The following INPP4B variants were observed in gnomAD, a reference collection of about 807,000 sequenced individuals.
The protein encoded by INPP4B is inositol polyphosphate 4-phosphatase type II.
In INPP4B, 55 loss-of-function variants were observed where a neutral mutation model predicts 122.5. The ratio of observed to expected loss-of-function variants is 0.45; its 90% CI spans 0.36 to 0.56. INPP4B has a LOEUF of 0.56. Among genes scored for constraint, INPP4B ranks in the 20% least tolerant of loss-of-function variants. The pLI, the probability that INPP4B is intolerant of heterozygous loss-of-function variation, is 0.00. For synonymous variants in INPP4B, 403 were observed against 388.7 expected (o/e 1.04, Z -0.43); for missense variants, 1,000 against 1,097.7 (o/e 0.91, Z 1.26).
intron 11 of INPP4B, among the ~76,000 whole-genome samples, chr4:142,246,096 G>A (rs1449034568): frequency 3.5e-5 from 5 of 144,030 alleles, no homozygotes; most frequent in Admixed American, 6.7e-5. Flanking sequence ...ATATGTGTGT[G>A]TGTATACACA....
chr4:142,238,494 A>G (rs1288143988), intron 11 of INPP4B, among the ~76,000 whole-genome samples: 1 of 152,124 alleles, frequency 6.6e-6, no homozygotes, highest in Non-Finnish European at 1.5e-5. Context: ...ATAGCAGGTC[A>G]CAAACTGATA....
intron 21 of INPP4B, among the ~76,000 whole-genome samples, chr4:142,113,320 A>G (rs1477801409): frequency 1.3e-5 from 2 of 149,640 alleles, no homozygotes; most frequent in African/African-American, 2.5e-5. Flanking sequence ...TAATAAGAGT[A>G]GCTACTTACA....
chr4:142,349,175 G>A (rs1158692), intron 7 of INPP4B, among the ~76,000 whole-genome samples: 48,234 of 151,874 alleles, frequency 0.32, 8,703 homozygotes, highest in South Asian at 0.45. Context: ...TCAGCAATCT[G>A]TCTTAACTTA....
At chr4:142,203,425 T>G (rs1210940760) in intron 14 of INPP4B, among the ~76,000 whole-genome samples, 1 of 152,036 alleles carries the variant, frequency 6.6e-6, no homozygotes, top group Non-Finnish European at 1.5e-5. Context: ...GAATATTACA[T>G]TACAAGAATT....
intron 7 of INPP4B, among the ~76,000 whole-genome samples, chr4:142,321,317 G>C (rs1370053560): frequency 6.6e-6 from 1 of 151,968 alleles, no homozygotes; most frequent in Non-Finnish European, 1.5e-5. Context: ...GGAATTATTT[G>C]CTTTTTTCTT....
At chr4:142,290,195 C>CTTTTTTTT (rs35260066) in intron 9 of INPP4B, among the ~76,000 whole-genome samples, 23 of 77,504 alleles carry the variant, frequency 3.0e-4, no homozygotes, top group Admixed American at 4.4e-4. Context: ...TTCTTTCTTC[C>CTTTTTTTT]TTTTTTTTTT....
intron 25 of INPP4B, among the ~76,000 whole-genome samples, chr4:142,040,694 T>G (rs1746894222): frequency 6.6e-6 from 1 of 152,192 alleles, no homozygotes; most frequent in African/African-American, 2.4e-5. Context: ...TATGCTTTTC[T>G]CTGTACAGAA....
Position 142,636,136 on chromosome 4 carries a change from C to G in INPP4B, c.-191+89703G>C, listed in dbSNP as rs112152276. Among the ~76,000 whole-genome samples the G allele has an allele frequency of 5.1e-3, 775 of 152,152 alleles. 3 individuals are homozygous for G. The highest frequency in any genetic ancestry group is 7.5e-3 in the Admixed American group (115 of 15,284). On this transcript the variant is annotated intron_variant, in intron 2 of 25. Coordinates refer to ENST00000262992, the MANE Select transcript of INPP4B (RefSeq NM_001101669.3). ...GGGGCTTCTCCTTTCACTCAGCACC[C>G]ATTCTGCCTCCTGCTGCCCTGTGAA...
intron 2 of INPP4B, among the ~76,000 whole-genome samples, chr4:142,714,121 T>C (rs1763460996): frequency 6.6e-6 from 1 of 152,220 alleles, no homozygotes; most frequent in Non-Finnish European, 1.5e-5. Context: ...ATCATAAAAT[T>C]ACAGGAGGGA....
At chr4:142,188,002 A>C (rs942453551) in intron 15 of INPP4B, among the ~76,000 whole-genome samples, 4 of 152,150 alleles carry the variant, frequency 2.6e-5, no homozygotes, top group African/African-American at 9.7e-5. Context: ...GGAAAAAAAG[A>C]CTGGAAGAGA....
At position 142,811,668 on chromosome 4, in the gene INPP4B, CTTAG is replaced by C. The variant is rs1166203048; in HGVS notation, c.-254+34537_-254+34540del. Among the ~76,000 whole-genome samples, 16 of 152,096 alleles carry C rather than the reference CTTAG, an allele frequency of 1.1e-4. 1 individual carries two copies. The highest frequency in any genetic ancestry group is 1.9e-4 in the East Asian group (1 of 5,202). The stretch of plus-strand genomic sequence containing the variant: ...TTGGTAAGCAGTCTTAGATATGTCA[CTTAG>C]TTAGATTAGAAAATAAAATAATTAT... On this transcript the variant is annotated intron_variant, in intron 1 of 25. Transcript: ENST00000262992.
At chr4:142,690,404 A>G (rs1189097126) in intron 2 of INPP4B, among the ~76,000 whole-genome samples, 1 of 152,186 alleles carries the variant, frequency 6.6e-6, no homozygotes, top group Non-Finnish European at 1.5e-5. Flanking sequence ...ACATATTTTT[A>G]TAGAAATGTA....
rs557284423 is a variant in INPP4B, at chr4:142,366,487, T to G, written c.372+36451A>C. Among the ~76,000 whole-genome samples the G allele has an allele frequency of 7.9e-5, 12 of 152,196 alleles. No individual in the cohort carries two copies. In the South Asian group the frequency reaches 2.5e-3, roughly 32 times the overall value. ...AGTTTTAGCATAAGAATAACTAAGGTAAATCACATAAATTAAAAAGAAGAA... is the reference window on the plus strand; with the variant it reads ...AGTTTTAGCATAAGAATAACTAAGGGAAATCACATAAATTAAAAAGAAGAA... On this transcript the variant is annotated intron_variant, in intron 7 of 25. Coordinates refer to ENST00000262992, the MANE Select transcript of INPP4B (RefSeq NM_001101669.3).
chr4:142,054,210 G>C (rs1756248197), intron 25 of INPP4B, among the ~76,000 whole-genome samples: 3 of 151,382 alleles, frequency 2.0e-5, no homozygotes, highest in Non-Finnish European at 4.4e-5. Context: ...AACCTGGCTG[G>C]CTGCCCCACG....
chr4:142,238,108 T>C (rs899497456), intron 11 of INPP4B, 97 bp from the exon 12 acceptor site: 4 of 553,024 alleles, frequency 7.2e-6, no homozygotes, highest in Non-Finnish European at 1.3e-5. Context: ...GGCATTTTTA[T>C]TATTCATTTG....
intron 2 of INPP4B, among the ~76,000 whole-genome samples, chr4:142,580,894 T>C (rs1734912209): frequency 6.6e-6 from 1 of 152,060 alleles, no homozygotes; most frequent in African/African-American, 2.4e-5. Context: ...TGCATTGTTA[T>C]ATGGAACTAT....
At chr4:142,241,672 A>C (rs1175470471) in intron 11 of INPP4B, among the ~76,000 whole-genome samples, 1 of 152,210 alleles carries the variant, frequency 6.6e-6, no homozygotes, top group Non-Finnish European at 1.5e-5. Context: ...TTGCTCAAGT[A>C]ACCTTGGGGC....
intron 2 of INPP4B, among the ~76,000 whole-genome samples, chr4:142,490,550 ATT>A (rs138382026): frequency 6.6e-6 from 1 of 152,182 alleles, no homozygotes. Context: ...CATAATTATC[ATT>A]TTTTGTGGTG....
At chr4:142,468,839 T>C (rs1419954240) in intron 2 of INPP4B, among the ~76,000 whole-genome samples, 1 of 152,176 alleles carries the variant, frequency 6.6e-6, no homozygotes, top group Non-Finnish European at 1.5e-5. Flanking sequence ...TCAGGTGTTC[T>C]TTTATAGCAA....
Sources: allele counts gnomAD v4.1 joint callset (sites outside exome capture counted in the v4.1 genomes callset), GRCh38; gene constraint gnomAD v4.1.1; transcripts MANE v1.5; gene names NCBI Gene and HGNC (gene_info 2026-07-23, HGNC 2026-07-21).